The following NREP variants were observed in gnomAD, a reference collection of about 807,000 sequenced individuals.
NREP encodes neuronal regeneration related protein.
Under a neutral mutation model 8.6 loss-of-function variants are expected in NREP, and 5 were observed. The ratio of observed to expected loss-of-function variants is 0.58; its 90% confidence interval spans 0.30 to 1.22. The LOEUF is 1.22. Among genes scored for constraint, NREP ranks in the 50% most tolerant of loss-of-function variants. NREP has a pLI of 0.07. For synonymous variants in NREP, 27 were observed against 28.0 expected (o/e 0.96, Z 0.11); for missense variants, 86 against 82.5 (o/e 1.04, Z -0.17).
chr5:111,821,121 A>G (rs988688090), intron 2 of NREP, among the ~76,000 whole-genome samples: 14 of 152,308 alleles, frequency 9.2e-5, no homozygotes, highest in African/African-American at 2.6e-4. Flanking sequence ...TTAGCCTTAG[A>G]CCCAGGGCCA....
At chr5:111,755,663 G>C in intron 2 of NREP, 107 bp downstream of exon 2, 1 of 1,228,910 alleles carries the variant, frequency 8.1e-7, no homozygotes, top group Non-Finnish European at 1.2e-6. Context: ...GGTCAGATGG[G>C]GTGTAGAACA....
intron 2 of NREP, 110 bp from the exon 3 acceptor site, chr5:111,735,617 A>T: frequency 1.4e-6 from 1 of 728,410 alleles, no homozygotes; most frequent in Middle Eastern, 2.4e-4. Flanking sequence ...CTTATTCCCG[A>T]CTACCACTTA....
intron 2 of NREP, among the ~76,000 whole-genome samples, chr5:111,739,926 C>A (rs1255413407): frequency 6.6e-6 from 1 of 151,686 alleles, no homozygotes; most frequent in East Asian, 1.9e-4. Context: ...TCCTCAAAAC[C>A]CTCTAGAATA....
chr5:111,757,446 C>G, upstream of NREP: 1 of 984,886 alleles, frequency 1.0e-6, no homozygotes, highest in Non-Finnish European at 1.2e-6. Context: ...CTCCCTTTCC[C>G]TCTCTCTCCC....
rs1330467061 is a variant in NREP, at chr5:111,884,201, C to T, written c.135+91073G>A. On this transcript the variant is annotated intron_variant, in intron 2 of 3. Coordinates refer to the NREP transcript ENST00000395634. ...TCAGAGAATACTACAAACACCTCTA[C>T]GCAAATAAACTAGAAAATCTAGAAG... Among the ~76,000 whole-genome samples the T allele has an allele frequency of 4.7e-4, 71 of 151,254 alleles. 1 individual carries two copies. The highest frequency in any genetic ancestry group is 2.2e-3 in the Admixed American group (34 of 15,194).
At chr5:111,828,110 A>T (rs1313484965) in intron 2 of NREP, among the ~76,000 whole-genome samples, 1 of 151,758 alleles carries the variant, frequency 6.6e-6, no homozygotes, top group African/African-American at 2.4e-5. Flanking sequence ...GGCTCACCGC[A>T]ACCTCCAGCT....
At chr5:111,956,963 C>CTAAA (rs10665112) in intron 2 of NREP, among the ~76,000 whole-genome samples, 88,433 of 142,634 alleles carry the variant, frequency 0.62, 27,605 homozygotes, top group South Asian at 0.73. Context: ...GACCATGTCT[C>CTAAA]TAAATAAATA....
rs151330337 is a variant in NREP at position 111,934,584 on chromosome 5, G to T, written c.135+40690C>A. 9.3e-4 allele frequency among the ~76,000 whole-genome samples: 141 copies of T among 152,186 alleles called. 2 individuals carry two copies. Among genetic ancestry groups the T allele is most frequent in the African/African-American group, 3.3e-3 (137 of 41,536 alleles). ...TAGACTAGGCTCACTGAGTCTATTT[G>T]CTCCCTGGAGTTAAACATGAGCTGC... On this transcript the variant is annotated intron_variant, in intron 2 of 3. Coordinates refer to the NREP transcript ENST00000395634.
intron 2 of NREP, among the ~76,000 whole-genome samples, chr5:111,952,309 T>C (rs1756184280): frequency 6.6e-6 from 1 of 152,098 alleles, no homozygotes; most frequent in African/African-American, 2.4e-5. Context: ...GTCAAAGAAA[T>C]AAGGATTCAT....
chr5:111,854,878 A>G (rs559727247), intron 2 of NREP, among the ~76,000 whole-genome samples: 1 of 152,300 alleles, frequency 6.6e-6, no homozygotes, highest in East Asian at 1.9e-4. Flanking sequence ...CAGAGAAAAT[A>G]GGCAATATTG....
intron 2 of NREP, among the ~76,000 whole-genome samples, chr5:111,753,383 AG>A (rs1750501324): frequency 6.8e-6 from 1 of 147,936 alleles, no homozygotes; most frequent in African/African-American, 2.5e-5. Context: ...AGATATATAT[AG>A]ATTATATATA....
At chr5:111,911,273 G>A (rs1046611213) in intron 2 of NREP, among the ~76,000 whole-genome samples, 3 of 152,100 alleles carry the variant, frequency 2.0e-5, no homozygotes, top group Non-Finnish European at 4.4e-5. Flanking sequence ...ATAGAACAGT[G>A]TCTGACACAT....
chr5:111,733,748 G>C (rs890796256), intron 3 of NREP: 1 of 152,152 alleles, frequency 6.6e-6, no homozygotes, highest in African/African-American at 2.4e-5. Flanking sequence ...AGAGGCTAGG[G>C]GTTGGGGGGC....
intron 2 of NREP, among the ~76,000 whole-genome samples, chr5:111,749,026 T>C (rs542509442): frequency 6.6e-6 from 1 of 152,256 alleles, no homozygotes; most frequent in African/African-American, 2.4e-5. Context: ...TCAGGAGGTG[T>C]ATTCCTTCTA....
chr5:111,737,821 C>T (rs1749279177), intron 2 of NREP, among the ~76,000 whole-genome samples: 1 of 151,602 alleles, frequency 6.6e-6, no homozygotes, highest in South Asian at 2.1e-4. Flanking sequence ...ACTAAGGAAA[C>T]TTTCTCCCTT....
chr5:111,867,206 C>A (rs1753687829), intron 2 of NREP, among the ~76,000 whole-genome samples: 1 of 151,682 alleles, frequency 6.6e-6, no homozygotes, highest in African/African-American at 2.4e-5. Flanking sequence ...TGGGCTGTCA[C>A]AACAAAATAC....
At chr5:111,736,958 A>G (rs1001633924) in intron 2 of NREP, among the ~76,000 whole-genome samples, 2 of 152,144 alleles carry the variant, frequency 1.3e-5, no homozygotes, top group African/African-American at 4.8e-5. Flanking sequence ...CAAATCGCCT[A>G]CCACCACTCC....
chr5:111,758,277 G>A, upstream of NREP: 6 of 984,558 alleles, frequency 6.1e-6, no homozygotes, highest in Non-Finnish European at 7.2e-6. Context: ...GCGGCCTGGC[G>A]TGATCGGCCC....
intron 2 of NREP, among the ~76,000 whole-genome samples, chr5:111,959,879 G>C (rs969034565): frequency 1.3e-5 from 2 of 151,738 alleles, no homozygotes; most frequent in African/African-American, 4.8e-5. Context: ...TCAACTTCAT[G>C]TATTATATGT....
Sources: allele counts gnomAD v4.1 joint callset (sites outside exome capture counted in the v4.1 genomes callset), GRCh38; gene constraint gnomAD v4.1.1; transcripts MANE v1.5; gene names NCBI Gene and HGNC (gene_info 2026-07-23, HGNC 2026-07-21).